Variants in UNC13C observed in about 807,000 individuals in gnomAD.
UNC13C encodes protein unc-13 homolog C.
In UNC13C, 174 loss-of-function variants were observed where a neutral mutation model predicts 245.4. The ratio of observed to expected loss-of-function variants is 0.71; its 90% CI spans 0.63 to 0.80. The LOEUF (loss-of-function observed/expected upper bound fraction) is 0.80. UNC13C is among the 30% of genes least tolerant of loss of function. The pLI is 0.00. For synonymous variants in UNC13C, 992 were observed against 895.1 expected, an observed-to-expected ratio of 1.11 and a Z score of -1.93; for missense variants, 2,829 against 2,602.9, an observed-to-expected ratio of 1.09 and a Z score of -1.89.
chr15:54,575,218 T>C (rs1219724870), intron 30 of UNC13C, among the ~76,000 whole-genome samples: 1 of 152,162 alleles, frequency 6.6e-6, no homozygotes, highest in Non-Finnish European at 1.5e-5. Flanking sequence ...GTAATTTTAG[T>C]AGAGACGGTG....
intron 30 of UNC13C, among the ~76,000 whole-genome samples, chr15:54,604,537 G>A (rs529546897): frequency 2.6e-3 from 398 of 152,178 alleles, no homozygotes; most frequent in Non-Finnish European, 3.8e-3. Flanking sequence ...AACTTTCCTG[G>A]GGAACTCCCT....
intron 30 of UNC13C, among the ~76,000 whole-genome samples, chr15:54,577,531 G>T (rs991321465): frequency 3.3e-5 from 5 of 152,118 alleles, no homozygotes; most frequent in African/African-American, 9.7e-5. Context: ...AGAGCAGGGA[G>T]CCCCTCCTAA....
chr15:54,197,828 C>A (rs1326306256), intron 4 of UNC13C, among the ~76,000 whole-genome samples: 1 of 152,108 alleles, frequency 6.6e-6, no homozygotes, highest in African/African-American at 2.4e-5. Flanking sequence ...AGTTCACAGA[C>A]CCTCTGAAGG....
the UNC13C span, among the ~76,000 whole-genome samples, chr15:53,953,191 T>G: frequency 2.0e-5 from 3 of 152,342 alleles, no homozygotes; most frequent in Admixed American, 2.0e-4. Flanking sequence ...GTCACATGGT[T>G]AAATGATCAG....
chr15:54,402,446 A>G (rs1047462945), intron 18 of UNC13C, among the ~76,000 whole-genome samples: 4 of 152,032 alleles, frequency 2.6e-5, no homozygotes, highest in African/African-American at 9.7e-5. Flanking sequence ...TCAATTTTCT[A>G]CCTCCCTGAC....
chr15:54,597,556 C>T (rs1395643927), intron 30 of UNC13C, among the ~76,000 whole-genome samples: 1 of 152,052 alleles, frequency 6.6e-6, no homozygotes, highest in Non-Finnish European at 1.5e-5. Context: ...GAGAATCATC[C>T]CTGAGACACC....
chr15:53,994,303 G>A (rs1191164985), intron 1 of UNC13C, among the ~76,000 whole-genome samples: 1 of 151,742 alleles, frequency 6.6e-6, no homozygotes, highest in African/African-American at 2.4e-5. Context: ...TTTAAAAGAT[G>A]TCTTGCTATC....
At chr15:54,602,298 C>T (rs1335782265) in intron 30 of UNC13C, among the ~76,000 whole-genome samples, 1 of 152,134 alleles carries the variant, frequency 6.6e-6, no homozygotes, top group African/African-American at 2.4e-5. Flanking sequence ...ACAATTGTTT[C>T]TAATTCTTGG....
chr15:54,189,861 G>T (rs1187906422), intron 4 of UNC13C, among the ~76,000 whole-genome samples: 2 of 151,896 alleles, frequency 1.3e-5, no homozygotes, highest in East Asian at 3.9e-4. Flanking sequence ...TACCCATTTT[G>T]GTAAAGATTC....
rs866120696 is a variant in UNC13C at position 54,540,688 on chromosome 15, T to C, written c.5697-6034T>C. 3.9e-5 allele frequency among the ~76,000 whole-genome samples: 6 copies of C among 152,248 alleles called. No homozygotes were observed. In the South Asian group the frequency reaches 1.2e-3, roughly 32 times the overall value. On this transcript the variant is annotated intron_variant, in intron 26 of 32. Coordinates refer to ENST00000260323, the MANE Select transcript of UNC13C (RefSeq NM_001080534.3). ...AACATCTTCCTTCTTTATGTTGCAC[T>C]TTCTCCACTAAGACCTTACCCCTTC...
chr15:53,892,349 T>C, the UNC13C span, among the ~76,000 whole-genome samples: 1 of 152,136 alleles, frequency 6.6e-6, no homozygotes, highest in Non-Finnish European at 1.5e-5. Flanking sequence ...GATGATTGTG[T>C]GTCTTGAGGT....
intron 18 of UNC13C, among the ~76,000 whole-genome samples, chr15:54,398,369 T>A (rs746667754): frequency 3.8e-4 from 58 of 151,456 alleles, no homozygotes; most frequent in South Asian, 1.9e-3. Context: ...TTGTTAAGTA[T>A]TTTTGCCTTT....
chr15:54,061,521 C>T (rs1284123849), intron 2 of UNC13C, among the ~76,000 whole-genome samples: 1 of 152,100 alleles, frequency 6.6e-6, no homozygotes, highest in Non-Finnish European at 1.5e-5. Context: ...ACTTAAAGGC[C>T]TCTGAGGAAG....
chr15:54,186,457 A>G (rs949266889), intron 4 of UNC13C, among the ~76,000 whole-genome samples: 1 of 152,142 alleles, frequency 6.6e-6, no homozygotes, highest in African/African-American at 2.4e-5. Context: ...CCACAAAATA[A>G]CTGTATGTAA....
chr15:54,492,018 G>C (rs964990130), intron 19 of UNC13C, among the ~76,000 whole-genome samples: 15 of 151,460 alleles, frequency 9.9e-5, no homozygotes, highest in Admixed American at 2.0e-4. Context: ...TTTAGGCACA[G>C]CTTCACTTTG....
chr15:53,943,356 C>A, the UNC13C span, among the ~76,000 whole-genome samples: 1 of 151,992 alleles, frequency 6.6e-6, no homozygotes, highest in African/African-American at 2.4e-5. Context: ...AAATTGACCA[C>A]TTACTTTTTC....
chr15:53,842,387 T>A, the UNC13C span, among the ~76,000 whole-genome samples: 1 of 152,322 alleles, frequency 6.6e-6, no homozygotes, highest in East Asian at 1.9e-4. Flanking sequence ...GGGGAAATTA[T>A]CTCTACTATT....
At chr15:53,939,852 C>T in the UNC13C span, among the ~76,000 whole-genome samples, 2 of 151,950 alleles carry the variant, frequency 1.3e-5, no homozygotes, top group African/African-American at 2.4e-5. Context: ...TCAGGCAAGC[C>T]TTTATTTAAC....
At chr15:54,299,640 T>A (rs539093771) in intron 12 of UNC13C, among the ~76,000 whole-genome samples, 1 of 152,284 alleles carries the variant, frequency 6.6e-6, no homozygotes, top group South Asian at 2.1e-4. Flanking sequence ...CTTAGGAAGG[T>A]ACTTTATCAC....
Sources: gnomAD v4.1 joint callset for allele counts (sites outside exome capture counted in the v4.1 genomes callset) on GRCh38, gnomAD v4.1.1 for gene constraint, MANE v1.5 for transcripts, NCBI Gene and HGNC (gene_info 2026-07-23, HGNC 2026-07-21) for gene names.